The following FKBP5 variants were observed in gnomAD, a reference collection of about 807,000 sequenced individuals.
The protein encoded by FKBP5 is peptidyl-prolyl cis-trans isomerase FKBP5.
In FKBP5, 23 loss-of-function variants were observed where a neutral mutation model predicts 50.5. The observed-to-expected ratio is 0.46, with a 90% CI of 0.33 to 0.65. The LOEUF (loss-of-function observed/expected upper bound fraction) is 0.65, where lower values mean the gene tolerates loss of function less well. Among genes scored for constraint, FKBP5 ranks in the 30% least tolerant of loss-of-function variants. FKBP5 has a pLI of 0.02. For missense variants in FKBP5, 411 were observed against 553.1 expected (o/e 0.74, Z 2.58); for synonymous variants, 176 against 190.6 (o/e 0.92, Z 0.63).
At chr6:35,648,093 A>T (rs1050934049) in intron 1 of FKBP5, among the ~76,000 whole-genome samples, 2 of 151,334 alleles carry the variant, frequency 1.3e-5, no homozygotes, top group East Asian at 4.0e-4. Context: ...CAGCCCAGAG[A>T]GTCTGGATTT....
At chr6:35,615,456 A>C (rs976149419) in intron 5 of FKBP5, among the ~76,000 whole-genome samples, 4 of 152,184 alleles carry the variant, frequency 2.6e-5, no homozygotes, top group African/African-American at 9.7e-5. Flanking sequence ...AAGCACTTAA[A>C]AAAAATGGGG....
At chr6:35,672,262 G>A (rs1299939174) in intron 1 of FKBP5, among the ~76,000 whole-genome samples, 1 of 151,562 alleles carries the variant, frequency 6.6e-6, no homozygotes, top group African/African-American at 2.4e-5. Flanking sequence ...AGAAAAGGGG[G>A]GAAAAAATCC....
intron 6 of FKBP5, among the ~76,000 whole-genome samples, chr6:35,593,863 G>A (rs1371289076): frequency 1.3e-5 from 2 of 151,952 alleles, no homozygotes; most frequent in Non-Finnish European, 2.9e-5. Flanking sequence ...CCAATAGCCT[G>A]TGTTTTTGTT....
At chr6:35,620,964 G>A (rs1274796862) in intron 3 of FKBP5, among the ~76,000 whole-genome samples, 1 of 152,004 alleles carries the variant, frequency 6.6e-6, no homozygotes, top group Non-Finnish European at 1.5e-5. Context: ...GTGTCCTAAG[G>A]AAGCTTATAA....
chr6:35,648,465 A>G (rs1033705234), intron 1 of FKBP5, among the ~76,000 whole-genome samples: 4 of 151,836 alleles, frequency 2.6e-5, no homozygotes, highest in Non-Finnish European at 5.9e-5. Flanking sequence ...CAGAAGAGAC[A>G]GGGTCTCACT....
chr6:35,610,092 T>C (rs908853903), intron 5 of FKBP5, among the ~76,000 whole-genome samples: 3 of 152,210 alleles, frequency 2.0e-5, no homozygotes, highest in African/African-American at 7.2e-5. Context: ...CAGGCCTTTC[T>C]GCAAAAGGAT....
At chr6:35,622,950 T>C (rs552435404) in intron 3 of FKBP5, among the ~76,000 whole-genome samples, 1 of 152,342 alleles carries the variant, frequency 6.6e-6, no homozygotes, top group Admixed American at 6.5e-5. Context: ...GTTTTAAGAA[T>C]TATTAGATAA....
At chr6:35,584,936 C>T (rs771363810) in intron 8 of FKBP5, 4 of 985,338 alleles carry the variant, frequency 4.1e-6, no homozygotes, top group African/African-American at 1.7e-5. Flanking sequence ...TGTACAGACA[C>T]TCATTGCTTT....
chr6:35,644,654 A>G (rs1581846621), intron 1 of FKBP5, among the ~76,000 whole-genome samples: 1 of 152,222 alleles, frequency 6.6e-6, no homozygotes, highest in African/African-American at 2.4e-5. Flanking sequence ...CAAACAAACA[A>G]CAAAAATTAT....
intron 1 of FKBP5, among the ~76,000 whole-genome samples, chr6:35,687,793 AC>A (rs1765873223): frequency 6.6e-6 from 1 of 152,208 alleles, no homozygotes; most frequent in East Asian, 1.9e-4. Context: ...AAGGGTATCT[AC>A]AATTCTGCAT....
At chr6:35,690,565 C>G (rs982253325), upstream of FKBP5, among the ~76,000 whole-genome samples, 7 of 152,086 alleles carry the variant, frequency 4.6e-5, no homozygotes, top group Admixed American at 4.6e-4. Flanking sequence ...ATTTGTCTGT[C>G]CTCAGTGCCT....
At chr6:35,625,457 G>C (rs567462258) in intron 3 of FKBP5, among the ~76,000 whole-genome samples, 78 of 151,784 alleles carry the variant, frequency 5.1e-4, no homozygotes, top group African/African-American at 1.8e-3. Flanking sequence ...CCAAGAATAG[G>C]CCGGTGCAGT....
intron 2 of FKBP5, among the ~76,000 whole-genome samples, chr6:35,696,973 G>A (rs191634967): frequency 8.8e-4 from 134 of 152,318 alleles, no homozygotes; most frequent in African/African-American, 2.7e-3. Context: ...GAATTTTCAT[G>A]CATTGCTGGT....
In FKBP5 at chr6:35,619,223, AAG is replaced by A; in HGVS notation, c.394-15_394-14del. The A allele has an allele frequency of 1.3e-6, 2 of 1,583,224 alleles. No individual in the cohort carries two copies. Among genetic ancestry groups the A allele is most frequent in the Non-Finnish European group, 1.7e-6 (2 of 1,152,922 alleles). On this transcript the variant is annotated splice_polypyrimidine_tract_variant and intron_variant, in intron 4 of 10. Coordinates refer to ENST00000357266, the MANE Select transcript of FKBP5 (RefSeq NM_004117.4). Reference sequence around the variant, plus strand: ...CAAGGAGCTCAATCTAGAAAGAAAAAAGGAATTCAGCTGAGAAAAGACCAAAT... The same window carrying A: ...CAAGGAGCTCAATCTAGAAAGAAAAAGAATTCAGCTGAGAAAAGACCAAAT...
chr6:35,601,291 G>A (rs191469447), intron 5 of FKBP5, among the ~76,000 whole-genome samples: 2 of 152,254 alleles, frequency 1.3e-5, no homozygotes, highest in African/African-American at 4.8e-5. Flanking sequence ...ACAACATTCG[G>A]AATGTCAGAG....
Position 35,619,093 on chromosome 6 carries a change from T to C in FKBP5, c.508+3A>G. ...ACTAGTTCCCTCTTACTTTAATACT[T>C]ACTTTCTACTGTTGCTCCTTCGTTT... On this transcript the variant is annotated splice_donor_region_variant and intron_variant, in intron 5 of 10. Transcript: ENST00000357266. 6.2e-7 allele frequency: 1 copy of C among 1,602,452 alleles called. No individual in the cohort carries two copies. The highest frequency in any genetic ancestry group is 8.5e-7 in the Non-Finnish European group (1 of 1,169,724).
chr6:35,726,977 G>A lies in FKBP5; in HGVS notation c.-241+1531C>T, dbSNP rs151066915. ...GAATATGAGACAGGCCACACGCTGT[G>A]CCGTGAGAAAGGTACAAACTGAGTG... is the stretch of plus-strand genomic sequence containing the variant. On this transcript the variant is annotated intron_variant, in intron 1 of 11. Coordinates refer to the FKBP5 transcript ENST00000536438. Among the ~76,000 whole-genome samples the A allele has an allele frequency of 1.4e-4, 22 of 152,310 alleles. No individual in the cohort carries two copies. The East Asian group carries it at 4.2e-3, about 29-fold the overall frequency.
chr6:35,593,359 T>C (rs1762879314), intron 6 of FKBP5, among the ~76,000 whole-genome samples: 2 of 152,208 alleles, frequency 1.3e-5, no homozygotes. Flanking sequence ...AATGTGCATA[T>C]AAGAAGCACT....
At chr6:35,702,896 T>C (rs1440895197) in intron 2 of FKBP5, among the ~76,000 whole-genome samples, 2 of 152,224 alleles carry the variant, frequency 1.3e-5, no homozygotes, top group East Asian at 1.9e-4. Context: ...TTATTTGATA[T>C]GAAACTAAAG....
Sources: gnomAD v4.1 joint callset for allele counts (sites outside exome capture counted in the v4.1 genomes callset) on GRCh38, gnomAD v4.1.1 for gene constraint, MANE v1.5 for transcripts, NCBI Gene and HGNC (gene_info 2026-07-23, HGNC 2026-07-21) for gene names.